Variants in SEM1 observed in about 807,000 individuals in gnomAD.
SEM1 encodes the protein SEM1 26S proteasome subunit, also known as 26S proteasome complex subunit SEM1.
In SEM1, 3 loss-of-function variants were observed where a neutral mutation model predicts 12.7. That is an observed-to-expected ratio of 0.24 (90% confidence interval 0.11 to 0.61). The LOEUF (loss-of-function observed/expected upper bound fraction) is 0.61, where lower values mean the gene tolerates loss of function less well. Among genes scored for constraint, SEM1 ranks in the 20% least tolerant of loss-of-function variants. SEM1 has a pLI of 0.88. For missense variants in SEM1, 59 were observed against 81.3 expected, an observed-to-expected ratio of 0.73 and a Z score of 1.06; for synonymous variants, 30 against 27.8, an observed-to-expected ratio of 1.08 and a Z score of -0.25.
intron 2 of SEM1, among the ~76,000 whole-genome samples, chr7:96,626,832 A>G (rs967553463): frequency 5.9e-5 from 9 of 151,884 alleles, no homozygotes; most frequent in African/African-American, 2.2e-4. Context: ...CTTCTCTTCT[A>G]TTTTTCATAA....
At chr7:96,645,498 T>C (rs1474518406) in intron 2 of SEM1, 3 of 331,020 alleles carry the variant, frequency 9.1e-6, no homozygotes, top group African/African-American at 4.2e-5. Flanking sequence ...AAGTTGGGTG[T>C]TGGGGGCAGG....
chr7:96,627,406 T>C (rs944590126), intron 2 of SEM1, among the ~76,000 whole-genome samples: 3 of 152,076 alleles, frequency 2.0e-5, no homozygotes, highest in Non-Finnish European at 2.9e-5. Context: ...CACGTATAGC[T>C]GTAATCTTCT....
At chr7:96,579,852 G>A (rs1414881742) in intron 2 of SEM1, among the ~76,000 whole-genome samples, 1 of 152,006 alleles carries the variant, frequency 6.6e-6, no homozygotes. Context: ...AGGGGAAATT[G>A]GTGAAGGGTG....
chr7:96,702,759 T>C (rs554382158), intron 1 of SEM1, among the ~76,000 whole-genome samples: 2 of 152,248 alleles, frequency 1.3e-5, no homozygotes, highest in African/African-American at 2.4e-5. Flanking sequence ...ACCACCTTAA[T>C]AGTGATTGAA....
intron 2 of SEM1, among the ~76,000 whole-genome samples, chr7:96,549,028 G>T (rs1042814512): frequency 6.6e-6 from 1 of 152,164 alleles, no homozygotes; most frequent in Non-Finnish European, 1.5e-5. Flanking sequence ...GGAAGAAGTG[G>T]CAGCTCTGAA....
At chr7:96,626,842 A>C (rs1808086243) in intron 2 of SEM1, among the ~76,000 whole-genome samples, 1 of 152,080 alleles carries the variant, frequency 6.6e-6, no homozygotes, top group South Asian at 2.1e-4. Context: ...ATTTTTCATA[A>C]TAGTTTGAGT....
intron 2 of SEM1, among the ~76,000 whole-genome samples, chr7:96,568,677 C>A (rs1000398715): frequency 6.6e-6 from 1 of 151,838 alleles, no homozygotes; most frequent in African/African-American, 2.4e-5. Flanking sequence ...TTTCTTCTCT[C>A]ACCTGACAGT....
chr7:96,675,169 AGAT>A (rs1482965734), intron 2 of SEM1, among the ~76,000 whole-genome samples: 3 of 152,134 alleles, frequency 2.0e-5, no homozygotes, highest in East Asian at 3.9e-4. Context: ...TGGAGAGAAG[AGAT>A]GATAAAATTT....
At chr7:96,490,403 AC>A (rs1383901713) in intron 1 of SEM1, among the ~76,000 whole-genome samples, 1 of 152,222 alleles carries the variant, frequency 6.6e-6, no homozygotes, top group Non-Finnish European at 1.5e-5. Context: ...CCCAGATTAC[AC>A]ACTTCTGAGA....
chr7:96,578,783 G>A (rs953438), intron 2 of SEM1, among the ~76,000 whole-genome samples: 47,151 of 152,040 alleles, frequency 0.31, 7,337 homozygotes, highest in Middle Eastern at 0.32. Flanking sequence ...GCTAATTAAT[G>A]CTAGGCTGGG....
At chr7:96,551,339 G>T (rs941191054) in intron 2 of SEM1, among the ~76,000 whole-genome samples, 3 of 152,046 alleles carry the variant, frequency 2.0e-5, no homozygotes, top group African/African-American at 7.2e-5. Flanking sequence ...TATAATTAAG[G>T]TTCTCAAGAC....
chr7:96,550,831 T>C (rs2115839223), intron 2 of SEM1, among the ~76,000 whole-genome samples: 1 of 152,188 alleles, frequency 6.6e-6, no homozygotes, highest in East Asian at 1.9e-4. Flanking sequence ...TTAAGAATGA[T>C]TGGCCTATGC....
At position 96,483,632 on chromosome 7, in the gene SEM1, C is replaced by T. The variant is rs867256095; in HGVS notation, c.*227G>A. On this transcript the variant is annotated 3_prime_UTR_variant, in exon 4 of 4. Coordinates refer to the SEM1 transcript ENST00000356686. ...TCTGAAACATTGTCAGTTGTGATGA[C>T]AGAGGGAAAGAGCACTAGAATATGT... is the stretch of plus-strand genomic sequence containing the variant. 1.1e-5 allele frequency: 6 copies of T among 526,646 alleles called. No individual in the cohort carries two copies. The Middle Eastern group carries it at 1.6e-3, about 142-fold the overall frequency. The allele number at this position is 526,646 out of a possible 1,614,324, so 32.6% of individuals were successfully genotyped here.
chr7:96,664,038 T>A (rs1789092565), intron 2 of SEM1: 1 of 152,224 alleles, frequency 6.6e-6, no homozygotes, highest in South Asian at 2.1e-4. Flanking sequence ...GTGGGAGCAC[T>A]AATTGCCTTG....
intron 2 of SEM1, among the ~76,000 whole-genome samples, chr7:96,594,922 GTTTA>G (rs1371992626): frequency 6.6e-6 from 1 of 152,064 alleles, no homozygotes; most frequent in Non-Finnish European, 1.5e-5. Flanking sequence ...AAAAGGAGTA[GTTTA>G]TTAAGAAAGA....
Position 96,660,206 on chromosome 7 carries a change from T to C in SEM1, c.170+34592A>G, listed in dbSNP as rs1052512181. Among the ~76,000 whole-genome samples, 15 of 152,252 alleles carry C rather than the reference T, an allele frequency of 9.9e-5. No individual in the cohort carries two copies. The East Asian group carries it at 2.5e-3, about 25-fold the overall frequency. ...AAAATCCATTCTTGTGGCTAGAGTGTGTCCCAACATAATGACAAAGATTTC... is the reference window on the plus strand; with the variant it reads ...AAAATCCATTCTTGTGGCTAGAGTGCGTCCCAACATAATGACAAAGATTTC... On this transcript the variant is annotated intron_variant, in intron 2 of 2. Transcript: ENST00000417009.
chr7:96,585,626 G>C (rs972011412), intron 2 of SEM1, among the ~76,000 whole-genome samples: 2 of 152,238 alleles, frequency 1.3e-5, no homozygotes, highest in Non-Finnish European at 2.9e-5. Flanking sequence ...GAGACTACAT[G>C]GGCTTAGGAC....
intron 1 of SEM1, among the ~76,000 whole-genome samples, chr7:96,699,779 C>T (rs1326792065): frequency 6.6e-6 from 1 of 152,122 alleles, no homozygotes; most frequent in African/African-American, 2.4e-5. Flanking sequence ...TACTCAGAAG[C>T]CCAACAGGTA....
intron 2 of SEM1, among the ~76,000 whole-genome samples, chr7:96,561,143 T>C (rs1473638723): frequency 6.6e-6 from 1 of 152,170 alleles, no homozygotes; most frequent in Non-Finnish European, 1.5e-5. Flanking sequence ...CCTCTTACCA[T>C]TACTCTTTTT....
Sources: gnomAD v4.1 joint callset for allele counts (sites outside exome capture counted in the v4.1 genomes callset) on GRCh38, gnomAD v4.1.1 for gene constraint, MANE v1.5 for transcripts, NCBI Gene and HGNC (gene_info 2026-07-23, HGNC 2026-07-21) for gene names.